The following HS6ST3 variants were observed in gnomAD, a reference collection of about 807,000 sequenced individuals.
The protein encoded by HS6ST3 is heparan-sulfate 6-O-sulfotransferase 3.
In HS6ST3, 12 loss-of-function variants were observed where a neutral mutation model predicts 36.7. The ratio of observed to expected loss-of-function variants is 0.33; its 90% CI spans 0.21 to 0.53. The LOEUF (loss-of-function observed/expected upper bound fraction) is 0.53. HS6ST3 is among the 20% of genes least tolerant of loss of function. The pLI, the probability that HS6ST3 is intolerant of heterozygous loss-of-function variation, is 0.95. For synonymous variants in HS6ST3, 240 were observed against 257.5 expected (o/e 0.93, Z 0.65); for missense variants, 584 against 640.9 (o/e 0.91, Z 0.96).
At chr13:96,222,797 T>G (rs1010747821) in intron 1 of HS6ST3, among the ~76,000 whole-genome samples, 9 of 152,232 alleles carry the variant, frequency 5.9e-5, no homozygotes, top group African/African-American at 2.2e-4. Flanking sequence ...CCTTCTCCAC[T>G]TGAATATTAA....
chr13:96,287,436 A>G (rs947534999), intron 1 of HS6ST3, among the ~76,000 whole-genome samples: 4 of 152,178 alleles, frequency 2.6e-5, no homozygotes, highest in African/African-American at 9.7e-5. Flanking sequence ...CATTATCCAC[A>G]TATAGCTCAA....
chr13:96,535,757 A>G (rs1025050008), intron 1 of HS6ST3, among the ~76,000 whole-genome samples: 1 of 152,114 alleles, frequency 6.6e-6, no homozygotes, highest in Admixed American at 6.5e-5. Flanking sequence ...GACAAACATA[A>G]TGCATCTTCT....
chr13:96,249,311 A>G (rs763262909), intron 1 of HS6ST3, among the ~76,000 whole-genome samples: 12 of 152,212 alleles, frequency 7.9e-5, no homozygotes, highest in African/African-American at 1.2e-4. Flanking sequence ...TGCTTAAGAT[A>G]ATGCATTGCT....
At chr13:96,296,578 G>A (rs1055677629) in intron 1 of HS6ST3, among the ~76,000 whole-genome samples, 8 of 151,968 alleles carry the variant, frequency 5.3e-5, no homozygotes, top group African/African-American at 1.7e-4. Context: ...CATTTTTCCA[G>A]GCTATTTGTT....
intron 1 of HS6ST3, among the ~76,000 whole-genome samples, chr13:96,113,823 A>G (rs538268734): frequency 5.3e-5 from 8 of 152,314 alleles, no homozygotes; most frequent in African/African-American, 1.9e-4. Context: ...ATATGCACTA[A>G]TATATTCATT....
intron 1 of HS6ST3, among the ~76,000 whole-genome samples, chr13:96,622,704 A>G (rs1043949275): frequency 6.6e-6 from 1 of 152,174 alleles, no homozygotes; most frequent in Non-Finnish European, 1.5e-5. Flanking sequence ...GAAAGTCACA[A>G]TGATTAAGTT....
At chr13:96,285,868 C>T (rs1276681154) in intron 1 of HS6ST3, among the ~76,000 whole-genome samples, 3 of 151,654 alleles carry the variant, frequency 2.0e-5, no homozygotes, top group African/African-American at 7.3e-5. Flanking sequence ...TGCCTCCCTT[C>T]CTCTCTCTTT....
chr13:96,662,477 T>C (rs1334041852), intron 1 of HS6ST3, among the ~76,000 whole-genome samples: 2 of 150,300 alleles, frequency 1.3e-5, no homozygotes, highest in Admixed American at 1.3e-4. Context: ...TTTTAATCGA[T>C]CTCTTCTTTC....
chr13:96,179,278 T>G (rs546449109), intron 1 of HS6ST3, among the ~76,000 whole-genome samples: 32 of 152,342 alleles, frequency 2.1e-4, no homozygotes, highest in Admixed American at 1.6e-3. Context: ...GTAATAGGAC[T>G]GCATTCCTGA....
chr13:96,409,106 A>G (rs993207300), intron 1 of HS6ST3, among the ~76,000 whole-genome samples: 2 of 151,876 alleles, frequency 1.3e-5, no homozygotes, highest in African/African-American at 4.8e-5. Flanking sequence ...TTCATGAAAG[A>G]GAAGGTATTT....
intron 1 of HS6ST3, among the ~76,000 whole-genome samples, chr13:96,420,126 C>T (rs1294201605): frequency 1.3e-5 from 2 of 152,118 alleles, no homozygotes; most frequent in Non-Finnish European, 2.9e-5. Flanking sequence ...TTAAGTTTTC[C>T]AGTCAACAGC....
At chr13:96,289,048 A>G (rs1276851596) in intron 1 of HS6ST3, among the ~76,000 whole-genome samples, 1 of 152,032 alleles carries the variant, frequency 6.6e-6, no homozygotes, top group African/African-American at 2.4e-5. Context: ...TATTCCAGTC[A>G]TAAAAATGGC....
intron 1 of HS6ST3, among the ~76,000 whole-genome samples, chr13:96,588,191 CTTT>C (rs151005715): frequency 3.4e-5 from 5 of 145,492 alleles, no homozygotes; most frequent in African/African-American, 5.1e-5. Flanking sequence ...GACAATTTAC[CTTT>C]TTTTTTTTTC....
chr13:96,185,618 A>C (rs1392762792), intron 1 of HS6ST3, among the ~76,000 whole-genome samples: 1 of 152,234 alleles, frequency 6.6e-6, no homozygotes, highest in Non-Finnish European at 1.5e-5. Context: ...TTATACCTAT[A>C]TAAGTTTACT....
At chr13:96,196,260 T>G (rs1183531916) in intron 1 of HS6ST3, among the ~76,000 whole-genome samples, 2 of 152,216 alleles carry the variant, frequency 1.3e-5, no homozygotes, top group Non-Finnish European at 2.9e-5. Context: ...TCTTCTTATC[T>G]GGTCTCTGCC....
intron 1 of HS6ST3, among the ~76,000 whole-genome samples, chr13:96,261,123 C>T (rs2054664542): frequency 6.6e-6 from 1 of 151,750 alleles, no homozygotes; most frequent in East Asian, 1.9e-4. Flanking sequence ...TAAAAAATGT[C>T]TTTGAATTGT....
intron 1 of HS6ST3, among the ~76,000 whole-genome samples, chr13:96,334,000 G>A (rs922338961): frequency 6.6e-6 from 1 of 152,136 alleles, no homozygotes; most frequent in Non-Finnish European, 1.5e-5. Context: ...GTACCTGTCT[G>A]GTACCTGGCA....
chr13:96,656,955 T>TTGTGTGTGTGTG (rs754838881), intron 1 of HS6ST3, among the ~76,000 whole-genome samples: 2 of 122,244 alleles, frequency 1.6e-5, no homozygotes, highest in African/African-American at 6.9e-5. Context: ...GGCTTTTCTT[T>TTGTGTGTGTGTG]TGTGTGTGTG....
At chr13:96,133,228 A>T (rs2053984812) in intron 1 of HS6ST3, among the ~76,000 whole-genome samples, 1 of 152,076 alleles carries the variant, frequency 6.6e-6, no homozygotes, top group South Asian at 2.1e-4. Flanking sequence ...TTCCGGTTTC[A>T]AGTGATTCTC....
Sources: allele counts gnomAD v4.1 joint callset (sites outside exome capture counted in the v4.1 genomes callset), GRCh38; gene constraint gnomAD v4.1.1; transcripts MANE v1.5; gene names NCBI Gene and HGNC (gene_info 2026-07-23, HGNC 2026-07-21).